Variants in DUSP19 observed in about 807,000 individuals in gnomAD.
The protein encoded by DUSP19 is dual specificity protein phosphatase 19.
A neutral mutation model predicts 16.6 loss-of-function variants in DUSP19; 14 were observed. The observed-to-expected ratio is 0.84, with a 90% CI of 0.56 to 1.32. DUSP19 has a LOEUF of 1.32. DUSP19 is among the 40% of genes most tolerant of loss of function. DUSP19 has a pLI of 0.00. For missense variants in DUSP19, 258 were observed against 255.9 expected (o/e 1.01, Z -0.06); for synonymous variants, 81 against 90.5 (o/e 0.90, Z 0.59).
At chr2:183,089,962 C>T (rs1171155512) in intron 3 of DUSP19, among the ~76,000 whole-genome samples, 5 of 152,086 alleles carry the variant, frequency 3.3e-5, no homozygotes, top group South Asian at 2.1e-4. Context: ...TTAATAGAGA[C>T]GGGGTTTTGC....
intron 2 of DUSP19, among the ~76,000 whole-genome samples, chr2:183,085,205 T>A (rs915802665): frequency 1.5e-4 from 23 of 152,126 alleles, no homozygotes; most frequent in African/African-American, 3.6e-4. Context: ...TAGATGAAGC[T>A]GCCTGGGGAA....
rs1031317804 is a variant in DUSP19, at chr2:183,096,155, C to T, written c.*497C>T. On this transcript the variant is annotated 3_prime_UTR_variant, in exon 4 of 4. Transcript: ENST00000354221. ...GATAACCAGTATCTGAAGGTTTATA[C>T]AATATTTACACAGTGGCTACAATAT... is the stretch of plus-strand genomic sequence containing the variant. 4 of 151,820 alleles carry T rather than the reference C, an allele frequency of 2.6e-5. No homozygotes were observed. The highest frequency in any genetic ancestry group is 9.7e-5 in the African/African-American group (4 of 41,340). The allele number at this position is 151,820 out of a possible 1,614,324, so 9.4% of individuals were successfully genotyped here.
At chr2:183,086,620 A>C (rs971558891) in intron 2 of DUSP19, among the ~76,000 whole-genome samples, 4 of 150,846 alleles carry the variant, frequency 2.7e-5, no homozygotes, top group African/African-American at 9.8e-5. Context: ...CAGCCTGGGC[A>C]AAAAAAGTGA....
At chr2:183,081,273 G>T (rs1015287797) in intron 1 of DUSP19, among the ~76,000 whole-genome samples, 2 of 151,932 alleles carry the variant, frequency 1.3e-5, no homozygotes, top group South Asian at 4.2e-4. Flanking sequence ...TTGAGATAGG[G>T]TCTCAAAATA....
chr2:183,091,734 G>C (rs996941017), intron 3 of DUSP19, among the ~76,000 whole-genome samples: 31 of 152,224 alleles, frequency 2.0e-4, no homozygotes, highest in African/African-American at 7.5e-4. Context: ...TTTCCCATCT[G>C]CATGCAGAAA....
rs573167493 is a variant in DUSP19, at chr2:183,097,489, A to C, written c.*1831A>C. On this transcript the variant is annotated 3_prime_UTR_variant, in exon 4 of 4. Transcript: ENST00000354221. ...TGTGCATTTGAGAAGGCAGGCTTTC[A>C]TATGCTGTCATGAGCAAAAAGTAGA... 3.3e-5 allele frequency: 5 copies of C among 152,352 alleles called. No homozygotes were observed. In the South Asian group the frequency reaches 1.0e-3, roughly 32 times the overall value. 9.4% of individuals were successfully genotyped at this position (152,352 alleles called of 1,614,324 possible). A position where few individuals can be genotyped will look rare whatever the true frequency, so the allele number is the denominator to read the frequency against.
At chr2:183,090,649 ATATG>A (rs1361359785) in intron 3 of DUSP19, among the ~76,000 whole-genome samples, 1 of 152,198 alleles carries the variant, frequency 6.6e-6, no homozygotes, top group African/African-American at 2.4e-5. Flanking sequence ...CTAGACCTAT[ATATG>A]TATTTTTATA....
At chr2:183,082,455 A>C (rs1575092351) in intron 1 of DUSP19, among the ~76,000 whole-genome samples, 3 of 117,208 alleles carry the variant, frequency 2.6e-5, no homozygotes, top group Admixed American at 2.5e-4. Context: ...ACGGAGTCTC[A>C]CTCTGTCACC....
intron 2 of DUSP19, among the ~76,000 whole-genome samples, chr2:183,084,122 A>G (rs1427624346): frequency 6.6e-6 from 1 of 152,168 alleles, no homozygotes; most frequent in Non-Finnish European, 1.5e-5. Context: ...CAGCTACCGA[A>G]CAGCGTTTGT....
intron 2 of DUSP19, among the ~76,000 whole-genome samples, chr2:183,085,102 TG>T (rs1427143456): frequency 6.6e-6 from 1 of 152,138 alleles, no homozygotes. Context: ...ATCATCTAGG[TG>T]GGTGGATATG....
chr2:183,095,333 T>C (rs1699783612), intron 3 of DUSP19, 98 bp from the exon 4 acceptor site: 2 of 962,158 alleles, frequency 2.1e-6, no homozygotes, highest in Non-Finnish European at 3.0e-6. Flanking sequence ...AAACTGAATA[T>C]TTACTTTATA....
chr2:183,099,338 A>C lies in DUSP19; in HGVS notation c.*3680A>C, dbSNP rs1264714825. 2 of 152,202 alleles carry C rather than the reference A, an allele frequency of 1.3e-5. No individual in the cohort carries two copies. The highest frequency in any genetic ancestry group is 2.9e-5 in the Non-Finnish European group (2 of 68,026). The allele number at this position is 152,202 out of a possible 1,614,324, so 9.4% of individuals were successfully genotyped here. On this transcript the variant is annotated 3_prime_UTR_variant, in exon 4 of 4. Coordinates refer to ENST00000354221, the MANE Select transcript of DUSP19 (RefSeq NM_080876.4). ...TATTTATTTGTTCCAGGTGACTCTA[A>C]ATAGTTGATTTTTCTGCCTGAAGGA...
intron 1 of DUSP19, among the ~76,000 whole-genome samples, chr2:183,079,659 T>C (rs1414946105): frequency 1.3e-5 from 2 of 152,210 alleles, no homozygotes; most frequent in Non-Finnish European, 2.9e-5. Context: ...GTGTCTGTTT[T>C]TGGAGTGTTT....
intron 1 of DUSP19, among the ~76,000 whole-genome samples, chr2:183,079,842 A>G (rs927551307): frequency 6.6e-6 from 1 of 152,238 alleles, no homozygotes; most frequent in African/African-American, 2.4e-5. Context: ...GAATGTTTTC[A>G]AGTACGTCTG....
chr2:183,079,909 C>T (rs929050285), intron 1 of DUSP19, among the ~76,000 whole-genome samples: 1 of 152,230 alleles, frequency 6.6e-6, no homozygotes, highest in Non-Finnish European at 1.5e-5. Context: ...AATGACTTAT[C>T]ACTATGCAGC....
At chr2:183,088,018 A>AAT (rs1699683952) in intron 3 of DUSP19, among the ~76,000 whole-genome samples, 1 of 152,204 alleles carries the variant, frequency 6.6e-6, no homozygotes, top group Admixed American at 6.5e-5. Flanking sequence ...TCTACTGTTC[A>AAT]TCAACTTTAC....
chr2:183,087,885 A>G (rs1441089020), intron 3 of DUSP19, among the ~76,000 whole-genome samples: 1 of 151,736 alleles, frequency 6.6e-6, no homozygotes, highest in Non-Finnish European at 1.5e-5. Flanking sequence ...TCTCCTTCCC[A>G]TTTTCTCTTC....
intron 3 of DUSP19, among the ~76,000 whole-genome samples, chr2:183,087,420 TTG>T (rs1314342598): frequency 6.6e-6 from 1 of 152,270 alleles, no homozygotes; most frequent in South Asian, 2.1e-4. Context: ...TGCTCTAGAC[TTG>T]TTAGTGTATT....
At chr2:183,082,778 C>A (rs2105496852) in intron 1 of DUSP19, among the ~76,000 whole-genome samples, 1 of 151,830 alleles carries the variant, frequency 6.6e-6, no homozygotes, top group East Asian at 1.9e-4. Flanking sequence ...TTCTCTCTTT[C>A]TCTCTCTCTC....
Sources: allele counts gnomAD v4.1 joint callset (sites outside exome capture counted in the v4.1 genomes callset), GRCh38; gene constraint gnomAD v4.1.1; transcripts MANE v1.5; gene names NCBI Gene and HGNC (gene_info 2026-07-23, HGNC 2026-07-21).